Variants in TTC23 observed in about 807,000 individuals in gnomAD.
TTC23 encodes the protein tetratricopeptide repeat protein 23.
A neutral mutation model predicts 55.1 loss-of-function variants in TTC23; 58 were observed. That is an observed-to-expected ratio of 1.05 (90% CI 0.85 to 1.31). The LOEUF is 1.31. Ranked by LOEUF, TTC23 falls within the 50% of genes most tolerant of loss-of-function variation. TTC23 has a pLI of 0.00. For synonymous variants in TTC23, 203 were observed against 199.9 expected (o/e 1.02, Z -0.13); for missense variants, 516 against 534.4 (o/e 0.97, Z 0.34).
intron 9 of TTC23, among the ~76,000 whole-genome samples, chr15:99,179,493 A>G (rs2151941883): frequency 1.3e-5 from 2 of 152,374 alleles, no homozygotes; most frequent in South Asian, 4.1e-4. Flanking sequence ...AATATCTATC[A>G]GCAGGGGAAT....
intron 5 of TTC23, among the ~76,000 whole-genome samples, chr15:99,222,219 C>T (rs981859590): frequency 6.6e-6 from 1 of 152,190 alleles, no homozygotes; most frequent in Non-Finnish European, 1.5e-5. Context: ...TATGCAGGCA[C>T]AACAGGGGCA....
rs782228663 is a variant in TTC23, at chr15:99,139,314, C to T, written c.1226+3G>A. 6.2e-7 allele frequency: 1 copy of T among 1,611,986 alleles called. No individual in the cohort carries two copies. ...AGAGAAAGTGTGAGGGACGCCAACTCACGTGGACAGCATGCCCATGGCCTG... is the reference window on the plus strand; with the variant it reads ...AGAGAAAGTGTGAGGGACGCCAACTTACGTGGACAGCATGCCCATGGCCTG... On this transcript the variant is annotated splice_donor_region_variant and intron_variant, in intron 13 of 13. Transcript: ENST00000394132.
intron 8 of TTC23, among the ~76,000 whole-genome samples, chr15:99,217,452 C>T (rs988203036): frequency 1.3e-5 from 2 of 152,050 alleles, no homozygotes; most frequent in Admixed American, 6.5e-5. Context: ...CCACTGTGCC[C>T]GGCCAAATTT....
intron 4 of TTC23, among the ~76,000 whole-genome samples, chr15:99,230,542 AC>A (rs1187176201): frequency 1.3e-5 from 2 of 152,186 alleles, no homozygotes; most frequent in East Asian, 3.8e-4. Flanking sequence ...AGAAAACTAT[AC>A]CAAATAAAGT....
intron 10 of TTC23, among the ~76,000 whole-genome samples, chr15:99,165,681 TTGG>T (rs991419291): frequency 1.3e-5 from 2 of 152,106 alleles, no homozygotes; most frequent in African/African-American, 4.8e-5. Context: ...AGGTTTTGTC[TTGG>T]TGGGAGAAAA....
intron 8 of TTC23, among the ~76,000 whole-genome samples, chr15:99,218,331 G>C (rs1172203306): frequency 6.6e-6 from 1 of 152,074 alleles, no homozygotes; most frequent in African/African-American, 2.4e-5. Flanking sequence ...AGGGAGAGCA[G>C]GTAAAACGAA....
At chr15:99,248,889 G>A (rs912370106) in intron 1 of TTC23, among the ~76,000 whole-genome samples, 3 of 151,982 alleles carry the variant, frequency 2.0e-5, no homozygotes, top group Non-Finnish European at 2.9e-5. Context: ...TCAGGTATCT[G>A]TAGTATGTTT....
intron 12 of TTC23, chr15:99,139,756 T>A (rs1256574128): frequency 1.5e-6 from 2 of 1,314,894 alleles, no homozygotes; most frequent in Non-Finnish European, 1.0e-6. Flanking sequence ...TGGAAAAGAT[T>A]TAAAAAAATA....
At chr15:99,219,484 A>C (rs2077736688) in intron 6 of TTC23, among the ~76,000 whole-genome samples, 1 of 152,208 alleles carries the variant, frequency 6.6e-6, no homozygotes, top group Admixed American at 6.5e-5. Context: ...CCCACCTATA[A>C]TCATAATGTC....
rs559074154 is a variant in TTC23 at position 99,165,740 on chromosome 15, G to A, written c.866-3873C>T. Among the ~76,000 whole-genome samples the A allele has an allele frequency of 1.5e-4, 23 of 151,994 alleles. No homozygotes were observed. The East Asian group carries it at 4.5e-3, about 29-fold the overall frequency. On this transcript the variant is annotated intron_variant, in intron 10 of 13. Transcript: ENST00000394132. ...ACCTCTCTTCCTCATAGCTGCCCAT[G>A]CGAGAAAACGTTGCAGATTTAATGT...
intron 12 of TTC23, 45 bp from the exon 13 acceptor site, chr15:99,139,444 T>C: frequency 1.2e-6 from 2 of 1,613,150 alleles, no homozygotes; most frequent in Non-Finnish European, 1.7e-6. Flanking sequence ...GAAGTGTCGC[T>C]GAGAGCAGGA....
At chr15:99,199,266 T>C (rs1438918291) in intron 9 of TTC23, among the ~76,000 whole-genome samples, 1 of 152,028 alleles carries the variant, frequency 6.6e-6, no homozygotes, top group Non-Finnish European at 1.5e-5. Flanking sequence ...CTTAATTGCA[T>C]GGGTCAGTTC....
At chr15:99,181,561 T>C (rs1448513989) in intron 9 of TTC23, among the ~76,000 whole-genome samples, 5 of 152,234 alleles carry the variant, frequency 3.3e-5, no homozygotes, top group African/African-American at 4.8e-5. Context: ...ACTGACCAGC[T>C]GTGAAGCTGC....
At chr15:99,165,949 TCAACTGAAGAAC>T (rs2072018480) in intron 10 of TTC23, among the ~76,000 whole-genome samples, 1 of 151,848 alleles carries the variant, frequency 6.6e-6, no homozygotes, top group Admixed American at 6.6e-5. Context: ...TGATTGGGAG[TCAACTGAAGAAC>T]GTAGCTGAGC....
At chr15:99,198,075 C>T (rs942657049) in intron 9 of TTC23, among the ~76,000 whole-genome samples, 4 of 152,108 alleles carry the variant, frequency 2.6e-5, no homozygotes. Context: ...CAGTTCTTTT[C>T]TCTCTCCATC....
chr15:99,229,046 G>T (rs1273629226), intron 4 of TTC23, among the ~76,000 whole-genome samples: 3 of 99,448 alleles, frequency 3.0e-5, no homozygotes, highest in African/African-American at 1.1e-4. Context: ...AAGTCCAGTA[G>T]AAATTAGCCT....
intron 6 of TTC23, 83 bp downstream of exon 6, chr15:99,221,658 C>G: frequency 6.5e-7 from 1 of 1,545,610 alleles, no homozygotes; most frequent in Non-Finnish European, 8.8e-7. Flanking sequence ...AAAACCTGAT[C>G]CTTCTAATTA....
intron 10 of TTC23, among the ~76,000 whole-genome samples, chr15:99,172,978 AG>A (rs1475516545): frequency 2.6e-5 from 4 of 152,218 alleles, no homozygotes; most frequent in Non-Finnish European, 5.9e-5. Flanking sequence ...ATAGCATTCT[AG>A]GGCACAGATT....
intron 1 of TTC23, among the ~76,000 whole-genome samples, chr15:99,248,505 T>C (rs188884960): frequency 6.6e-6 from 1 of 152,332 alleles, no homozygotes; most frequent in Admixed American, 6.5e-5. Context: ...CTTATTTTTC[T>C]CTCTGAAATT....
Sources: allele counts gnomAD v4.1 joint callset (sites outside exome capture counted in the v4.1 genomes callset), GRCh38; gene constraint gnomAD v4.1.1; transcripts MANE v1.5; gene names NCBI Gene and HGNC (gene_info 2026-07-23, HGNC 2026-07-21).